Variants in CCDC68 observed in about 807,000 individuals in gnomAD.
The protein encoded by CCDC68 is coiled-coil domain containing 68.
CCDC68 carries 45 observed loss-of-function variants against 47.1 expected under a neutral mutation model. That is an observed-to-expected ratio of 0.96 (90% CI 0.75 to 1.23). The LOEUF (loss-of-function observed/expected upper bound fraction) is 1.23, where lower values mean the gene tolerates loss of function less well. CCDC68 is among the 50% of genes most tolerant of loss of function. CCDC68 has a pLI of 0.00. For synonymous variants in CCDC68, 131 were observed against 129.5 expected (o/e 1.01, Z -0.08); for missense variants, 353 against 373.6 (o/e 0.94, Z 0.45).
chr18:54,921,554 T>C (rs1015795176), intron 8 of CCDC68, among the ~76,000 whole-genome samples: 1 of 152,076 alleles, frequency 6.6e-6, no homozygotes, highest in African/African-American at 2.4e-5. Context: ...CCTACAACAT[T>C]GGTGAGGGGA....
intron 10 of CCDC68, among the ~76,000 whole-genome samples, chr18:54,915,525 T>C (rs2043929623): frequency 6.6e-6 from 1 of 152,256 alleles, no homozygotes; most frequent in African/African-American, 2.4e-5. Flanking sequence ...TACCCAGCTA[T>C]GCTGATTTGG....
At chr18:54,950,897 C>CTTTTTTTTT (rs869026740) in intron 1 of CCDC68, among the ~76,000 whole-genome samples, 9 of 61,960 alleles carry the variant, frequency 1.5e-4, no homozygotes, top group East Asian at 1.3e-3. Context: ...ATTCAGATGT[C>CTTTTTTTTT]TTTTTTTTTT....
intron 1 of CCDC68, among the ~76,000 whole-genome samples, chr18:54,949,864 A>G (rs952397567): frequency 6.6e-6 from 1 of 152,178 alleles, no homozygotes; most frequent in East Asian, 1.9e-4. Flanking sequence ...GTCATTGTTC[A>G]GGAAAGGGAA....
intron 4 of CCDC68, among the ~76,000 whole-genome samples, chr18:54,938,707 T>C (rs1412124001): frequency 1.3e-5 from 2 of 152,276 alleles, no homozygotes; most frequent in Non-Finnish European, 2.9e-5. Flanking sequence ...ATTTTACAGA[T>C]GTAGAAACTG....
chr18:54,910,598 C>T (rs1914300767), intron 10 of CCDC68, among the ~76,000 whole-genome samples: 1 of 152,236 alleles, frequency 6.6e-6, no homozygotes, highest in African/African-American at 2.4e-5. Flanking sequence ...GACCTGCCCC[C>T]TTCTGCCCAG....
At chr18:54,946,276 G>A (rs1376440472) in intron 1 of CCDC68, among the ~76,000 whole-genome samples, 3 of 152,204 alleles carry the variant, frequency 2.0e-5, no homozygotes, top group African/African-American at 7.2e-5. Context: ...TTGTGACAGA[G>A]AAAGTACGTG....
chr18:54,920,092 T>C (rs921913389), intron 8 of CCDC68, among the ~76,000 whole-genome samples: 2 of 152,226 alleles, frequency 1.3e-5, no homozygotes, highest in African/African-American at 4.8e-5. Context: ...TTTTGGCTGT[T>C]TCTCTTCTTG....
intron 11 of CCDC68, 70 bp downstream of exon 11, chr18:54,907,716 G>T: frequency 1.2e-6 from 1 of 834,640 alleles, no homozygotes; most frequent in Non-Finnish European, 2.1e-6. Context: ...AATCTTTCTT[G>T]AGTGGGTTGA....
In CCDC68 at chr18:54,937,012, G is replaced by A. The variant is rs541048261; in HGVS notation, c.346-54C>T. On this transcript the variant is annotated intron_variant, in intron 5 of 11. Transcript: ENST00000591504. Reference sequence around the variant, plus strand: ...GACATTTACAACAAAAAGTGTTAAAGGCAGAACAGTTTGATGGGCAATTAA... The same window carrying A: ...GACATTTACAACAAAAAGTGTTAAAAGCAGAACAGTTTGATGGGCAATTAA... 1.9e-5 allele frequency: 31 copies of A among 1,597,556 alleles called. No homozygotes were observed. In the African/African-American group the frequency reaches 4.2e-4, roughly 21 times the overall value.
At chr18:54,942,188 C>T (rs2044449640) in intron 3 of CCDC68, among the ~76,000 whole-genome samples, 1 of 152,180 alleles carries the variant, frequency 6.6e-6, no homozygotes, top group Admixed American at 6.5e-5. Context: ...ATTTTGGATT[C>T]TCATAAGACT....
rs1293397781 is a variant in CCDC68 at position 54,903,655 on chromosome 18, C to T, written c.*703G>A. The T allele has an allele frequency of 6.6e-6, 1 of 152,202 alleles. No individual in the cohort carries two copies. The highest frequency in any genetic ancestry group is 1.5e-5 in the Non-Finnish European group (1 of 68,038). 9.4% of individuals were successfully genotyped at this position (152,202 alleles called of 1,614,324 possible). The stretch of plus-strand genomic sequence containing the variant: ...GTGCATCCCTGTGCGTTTGTGTGTA[C>T]AGGTTACCTCTAGAAACCAATTTTT... On this transcript the variant is annotated 3_prime_UTR_variant, in exon 12 of 12. Transcript: ENST00000591504.
At chr18:54,925,269 CTCA>C (rs1016003724) in intron 8 of CCDC68, among the ~76,000 whole-genome samples, 67 of 152,038 alleles carry the variant, frequency 4.4e-4, no homozygotes, top group Admixed American at 5.9e-4. Flanking sequence ...TCTCCTTGTC[CTCA>C]TCATCTAATT....
At chr18:54,926,980 C>T (rs1474282899) in intron 8 of CCDC68, among the ~76,000 whole-genome samples, 1 of 152,200 alleles carries the variant, frequency 6.6e-6, no homozygotes, top group Admixed American at 6.5e-5. Context: ...ATGGAGTCAA[C>T]CTTATTTTTA....
chr18:54,919,907 C>T (rs1183165874), intron 8 of CCDC68, among the ~76,000 whole-genome samples: 1 of 151,430 alleles, frequency 6.6e-6, no homozygotes, highest in Non-Finnish European at 1.5e-5. Flanking sequence ...TTTGGTAATT[C>T]TACTATCATT....
At chr18:54,944,942 T>C (rs1421952440) in intron 2 of CCDC68, among the ~76,000 whole-genome samples, 1 of 152,206 alleles carries the variant, frequency 6.6e-6, no homozygotes, top group Admixed American at 6.5e-5. Flanking sequence ...GTTTGGATTT[T>C]GATTCAAAAA....
chr18:54,948,213 A>C (rs991492435), intron 1 of CCDC68, among the ~76,000 whole-genome samples: 24 of 152,156 alleles, frequency 1.6e-4, no homozygotes, highest in Admixed American at 1.3e-4. Flanking sequence ...ATGAGGTCAC[A>C]CTGGAGTAGG....
At chr18:54,944,792 A>G (rs1384269496) in intron 2 of CCDC68, among the ~76,000 whole-genome samples, 1 of 152,194 alleles carries the variant, frequency 6.6e-6, no homozygotes, top group Non-Finnish European at 1.5e-5. Context: ...AAGTAAAAAA[A>G]CCTAAGCATC....
At chr18:54,935,844 T>C (rs572139651) in intron 6 of CCDC68, among the ~76,000 whole-genome samples, 21 of 152,268 alleles carry the variant, frequency 1.4e-4, no homozygotes, top group Admixed American at 2.6e-4. Context: ...TGAACTTTCC[T>C]ATTAGCTGTT....
rs750083294 is a variant in CCDC68, at chr18:54,937,947, A to T, written c.345+10T>A. ...CAAAACACAAAATTTGAAACTTCTA[A>T]AAGTCATACCTTGATTTTCAATACT... On this transcript the variant is annotated intron_variant, in intron 5 of 11. Coordinates refer to ENST00000591504, the MANE Select transcript of CCDC68 (RefSeq NM_025214.3). The T allele has an allele frequency of 1.2e-6, 2 of 1,606,514 alleles. No homozygotes were observed. The highest frequency in any genetic ancestry group is 1.7e-6 in the Non-Finnish European group (2 of 1,177,356).
Sources: gnomAD v4.1 joint callset for allele counts (sites outside exome capture counted in the v4.1 genomes callset) on GRCh38, gnomAD v4.1.1 for gene constraint, MANE v1.5 for transcripts, NCBI Gene and HGNC (gene_info 2026-07-23, HGNC 2026-07-21) for gene names.